Variants in ASB3 observed in about 807,000 individuals in gnomAD.
The protein encoded by ASB3 is ankyrin repeat and SOCS box containing 3, also known as ankyrin repeat and SOCS box protein 3.
ASB3 carries 41 observed loss-of-function variants against 54.5 expected under a neutral mutation model. That is an observed-to-expected ratio of 0.75 (90% CI 0.59 to 0.98). The LOEUF is 0.98. ASB3 is among the 50% of genes least tolerant of loss of function. The probability of loss-of-function intolerance (pLI) is 0.00; values close to 1 mark genes in which losing one functional copy is unlikely to be tolerated. For missense variants in ASB3, 733 were observed against 620.0 expected, an observed-to-expected ratio of 1.18 and a Z score of -1.94; for synonymous variants, 266 against 221.2, an observed-to-expected ratio of 1.20 and a Z score of -1.80.
chr2:53,784,826 C>T (rs192459339), intron 1 of ASB3, among the ~76,000 whole-genome samples: 59 of 152,306 alleles, frequency 3.9e-4, no homozygotes, highest in Non-Finnish European at 6.8e-4. Flanking sequence ...CTCACAGGTT[C>T]TAGGGGATAG....
At chr2:53,678,833 T>A (rs1668219437) in intron 9 of ASB3, among the ~76,000 whole-genome samples, 1 of 152,190 alleles carries the variant, frequency 6.6e-6, no homozygotes, top group Non-Finnish European at 1.5e-5. Flanking sequence ...TACAATCTTC[T>A]CATTTTCCAT....
intron 3 of ASB3, among the ~76,000 whole-genome samples, chr2:53,748,588 A>C (rs1343058118): frequency 2.6e-5 from 4 of 152,210 alleles, no homozygotes; most frequent in African/African-American, 9.6e-5. Context: ...CTAAGATACC[A>C]TGGCACTTCT....
intron 3 of ASB3, among the ~76,000 whole-genome samples, chr2:53,750,170 T>C (rs1380659526): frequency 1.3e-5 from 2 of 152,104 alleles, no homozygotes; most frequent in Admixed American, 6.5e-5. Context: ...AATTTTCTCA[T>C]GTTCCACTAA....
chr2:53,780,859 G>A (rs1674605543), intron 1 of ASB3, among the ~76,000 whole-genome samples: 1 of 152,136 alleles, frequency 6.6e-6, no homozygotes, highest in Non-Finnish European at 1.5e-5. Context: ...ATCAGAGAAA[G>A]CTTCATAGAA....
At chr2:53,708,932 A>G (rs113104093) in intron 7 of ASB3, among the ~76,000 whole-genome samples, 60 of 152,362 alleles carry the variant, frequency 3.9e-4, no homozygotes, top group African/African-American at 1.3e-3. Flanking sequence ...TTAAAGGAGA[A>G]GCAGAGTATA....
intron 9 of ASB3, among the ~76,000 whole-genome samples, chr2:53,685,657 T>C (rs2103688581): frequency 6.6e-6 from 1 of 152,356 alleles, no homozygotes; most frequent in East Asian, 1.9e-4. Flanking sequence ...ATGAGGATTA[T>C]GGCAAGTGAC....
intron 3 of ASB3, among the ~76,000 whole-genome samples, chr2:53,739,012 C>T (rs1317589621): frequency 6.6e-6 from 1 of 152,096 alleles, no homozygotes; most frequent in African/African-American, 2.4e-5. Flanking sequence ...CACTGCTTTT[C>T]CCACAATGGA....
chr2:53,697,288 C>T (rs1210839355), intron 8 of ASB3, among the ~76,000 whole-genome samples: 4 of 152,194 alleles, frequency 2.6e-5, no homozygotes, highest in African/African-American at 9.7e-5. Context: ...CCACCCCTTT[C>T]CTGGAAAATT....
At chr2:53,699,764 G>A (rs1018672316) in intron 8 of ASB3, among the ~76,000 whole-genome samples, 6 of 152,158 alleles carry the variant, frequency 3.9e-5, no homozygotes, top group East Asian at 3.9e-4. Flanking sequence ...CTGACTCGGC[G>A]TTTGTATAAT....
intron 3 of ASB3, among the ~76,000 whole-genome samples, chr2:53,740,588 G>A (rs1671879989): frequency 6.6e-6 from 1 of 152,112 alleles, no homozygotes; most frequent in African/African-American, 2.4e-5. Context: ...TTATATTTCT[G>A]TTTTATAAAT....
intron 3 of ASB3, 138 bp from the exon 4 acceptor site, chr2:53,729,708 T>C (rs1671195744): frequency 1.5e-6 from 1 of 666,996 alleles, no homozygotes; most frequent in South Asian, 2.0e-5. Flanking sequence ...ATCACAATTG[T>C]CTTAGCCCAA....
At position 53,733,297 on chromosome 2, in the gene ASB3, G is replaced by C. The variant is rs187083089; in HGVS notation, c.356-3727C>G. Among the ~76,000 whole-genome samples the C allele has an allele frequency of 2.0e-4, 30 of 152,272 alleles. 1 individual carries two copies. The East Asian group carries it at 5.6e-3, about 28-fold the overall frequency. On this transcript the variant is annotated intron_variant, in intron 3 of 9. Coordinates refer to ENST00000263634, the MANE Select transcript of ASB3 (RefSeq NM_016115.5). ...TTGAAACAATGTTGCTAACAGGAAT[G>C]AACTACACAATGACATTTTATATTA...
intron 1 of ASB3, among the ~76,000 whole-genome samples, chr2:53,779,418 C>T (rs145719744): frequency 1.3e-5 from 2 of 152,160 alleles, no homozygotes; most frequent in Admixed American, 6.5e-5. Context: ...ATAAGACAAA[C>T]AAGTAGCTAT....
At chr2:53,742,547 T>C (rs1671992948) in intron 3 of ASB3, among the ~76,000 whole-genome samples, 2 of 152,020 alleles carry the variant, frequency 1.3e-5, no homozygotes, top group African/African-American at 4.8e-5. Context: ...GAAGCAATTG[T>C]CTCTGTGAAA....
chr2:53,738,357 G>T (rs945268427), intron 3 of ASB3, among the ~76,000 whole-genome samples: 1 of 152,204 alleles, frequency 6.6e-6, no homozygotes, highest in South Asian at 2.1e-4. Context: ...ATGAAGAACT[G>T]CACTCATTCT....
chr2:53,711,554 C>A (rs1670097821), intron 7 of ASB3, among the ~76,000 whole-genome samples: 1 of 152,152 alleles, frequency 6.6e-6, no homozygotes, highest in Non-Finnish European at 1.5e-5. Context: ...GCAGGCAGAT[C>A]ACTTGAGGTC....
chr2:53,767,570 T>G, intron 1 of ASB3: 4 of 258,642 alleles, frequency 1.5e-5, no homozygotes, highest in Non-Finnish European at 2.3e-5. Flanking sequence ...CCAAAAAGCA[T>G]TGTGGGTATT....
intron 3 of ASB3, among the ~76,000 whole-genome samples, chr2:53,740,995 A>G (rs746074260): frequency 2.0e-5 from 3 of 152,206 alleles, no homozygotes; most frequent in Non-Finnish European, 4.4e-5. Flanking sequence ...CTGTAATTCT[A>G]CTACTTTCAG....
At chr2:53,734,876 C>T (rs1159544682) in intron 3 of ASB3, among the ~76,000 whole-genome samples, 1 of 150,004 alleles carries the variant, frequency 6.7e-6, no homozygotes, top group Non-Finnish European at 1.5e-5. Flanking sequence ...AGGATTCTGT[C>T]TTCAATCTCT....
Sources: gnomAD v4.1 joint callset for allele counts (sites outside exome capture counted in the v4.1 genomes callset) on GRCh38, gnomAD v4.1.1 for gene constraint, MANE v1.5 for transcripts, NCBI Gene and HGNC (gene_info 2026-07-23, HGNC 2026-07-21) for gene names.